Variants in DENND2B observed in about 807,000 individuals in gnomAD.
DENND2B encodes DENN domain containing 2B.
DENND2B carries 32 observed loss-of-function variants against 116.0 expected under a neutral mutation model. The ratio of observed to expected loss-of-function variants is 0.28; its 90% CI spans 0.21 to 0.37. The LOEUF is 0.37. Ranked by LOEUF, DENND2B falls within the 10% of genes least tolerant of loss-of-function variation. The probability of loss-of-function intolerance (pLI) is 1.00; values close to 1 mark genes in which losing one functional copy is unlikely to be tolerated. For missense variants in DENND2B, 1,276 were observed against 1,477.7 expected, an observed-to-expected ratio of 0.86 and a Z score of 2.24; for synonymous variants, 588 against 583.9, an observed-to-expected ratio of 1.01 and a Z score of -0.10.
intron 1 of DENND2B, chr11:8,774,283 A>C: frequency 1.0e-6 from 1 of 985,426 alleles, no homozygotes; most frequent in South Asian, 4.7e-5. Flanking sequence ...GGACACTTTA[A>C]TCCCAAAGCA....
rs905917227 is a variant in DENND2B at position 8,695,378 on chromosome 11, T to C, written c.3379+85A>G. 4.2e-5 allele frequency: 53 copies of C among 1,264,742 alleles called. No individual in the cohort carries two copies. In the African/African-American group the frequency reaches 4.3e-4, roughly 10 times the overall value. 78.3% of individuals were successfully genotyped at this position (1,264,742 alleles called of 1,614,324 possible). On this transcript the variant is annotated intron_variant, in intron 19 of 19. Coordinates refer to ENST00000313726, the MANE Select transcript of DENND2B (RefSeq NM_213618.2). ...AGCCCCAGTATAACACCTGTTGACA[T>C]TGATTTAGAGTATTCGGGAACACAA...
At chr11:8,766,783 G>T in intron 1 of DENND2B, 1 of 841,864 alleles carries the variant, frequency 1.2e-6, no homozygotes, top group Non-Finnish European at 1.7e-6. Flanking sequence ...TGTCATTTTA[G>T]GTGGGGGTGC....
rs1205117758 is a variant in DENND2B, at chr11:8,707,689, G to A, written c.2430+88C>T. On this transcript the variant is annotated intron_variant, in intron 12 of 19. Coordinates refer to ENST00000313726, the MANE Select transcript of DENND2B (RefSeq NM_213618.2). The surrounding 1 kb of genome is among the most constrained non-coding windows in gnomAD (Gnocchi z 4.8). ...GTCTCCCGCTCGCTCACAGTCACAG[G>A]TGGTTTTCTCATCTAAGCTGGCTGC... 3.9e-6 allele frequency: 5 copies of A among 1,292,146 alleles called. No homozygotes were observed. Among genetic ancestry groups the A allele is most frequent in the Non-Finnish European group, 5.4e-6 (5 of 923,010 alleles). The allele number at this position is 1,292,146 out of a possible 1,614,324, so 80.0% of individuals were successfully genotyped here. A position where few individuals can be genotyped will look rare whatever the true frequency, so the allele number is the denominator to read the frequency against.
intron 14 of DENND2B, among the ~76,000 whole-genome samples, chr11:8,700,845 T>A (rs1251568535): frequency 1.3e-5 from 2 of 152,196 alleles, no homozygotes; most frequent in African/African-American, 4.8e-5. Context: ...TTATTTATTT[T>A]GAGACAGAGT....
chr11:8,877,992 CT>C (rs1288183886), intron 2 of DENND2B, among the ~76,000 whole-genome samples: 1 of 152,136 alleles, frequency 6.6e-6, no homozygotes, highest in Non-Finnish European at 1.5e-5. Flanking sequence ...ATTTGCAGAA[CT>C]AGTAGAGATT....
chr11:8,859,272 TTAGA>T (rs571187706), intron 2 of DENND2B, among the ~76,000 whole-genome samples: 1,546 of 152,080 alleles, frequency 0.01, 22 homozygotes, highest in African/African-American at 0.034. Flanking sequence ...TGGCATAGGG[TTAGA>T]TAAACACTAA....
chr11:8,829,449 C>G (rs2062118953), intron 4 of DENND2B, among the ~76,000 whole-genome samples: 1 of 152,108 alleles, frequency 6.6e-6, no homozygotes, highest in Admixed American at 6.5e-5. Context: ...CTCCGGGGAG[C>G]CCCATTCAGT....
intron 2 of DENND2B, among the ~76,000 whole-genome samples, chr11:8,733,479 C>T (rs906289052): frequency 6.6e-6 from 1 of 152,224 alleles, no homozygotes; most frequent in African/African-American, 2.4e-5. Context: ...CAAGAATAAA[C>T]AACACAGACA....
At chr11:8,762,543 G>A (rs2054861245) in intron 1 of DENND2B, among the ~76,000 whole-genome samples, 2 of 152,330 alleles carry the variant, frequency 1.3e-5, no homozygotes, top group Middle Eastern at 6.8e-3. Context: ...TTCAGCCCAA[G>A]AACTCAACTA....
intron 1 of DENND2B, among the ~76,000 whole-genome samples, chr11:8,779,514 CTTTT>C (rs771481403): frequency 3.2e-5 from 1 of 31,442 alleles, no homozygotes; most frequent in Non-Finnish European, 8.8e-5. Context: ...TTCTTTCTTT[CTTTT>C]TTTTTTTTTT....
chr11:8,724,640 C>T (rs1052464854), intron 4 of DENND2B, among the ~76,000 whole-genome samples: 6 of 152,200 alleles, frequency 3.9e-5, no homozygotes. Context: ...TTTGCCAATA[C>T]CATGTCTTCC....
intron 1 of DENND2B, among the ~76,000 whole-genome samples, chr11:8,796,474 GGTTGCA>G (rs781104871): frequency 5.3e-5 from 8 of 152,210 alleles, no homozygotes; most frequent in Non-Finnish European, 8.8e-5. Context: ...GGCAGGCAAC[GGTTGCA>G]GTGAGCCAAG....
Position 8,707,279 on chromosome 11 carries a change from C to A in DENND2B, c.2431-54G>T. ...GAAGGGTGTCAGGGCACTGCCCTTC[C>A]CCCTCCTGGCAGAGAAGAGGGCAGC... On this transcript the variant is annotated intron_variant, in intron 12 of 19. Transcript: ENST00000313726. The surrounding 1 kb of genome is among the most constrained non-coding windows in gnomAD (Gnocchi z 4.8). 6.4e-7 allele frequency: 1 copy of A among 1,567,966 alleles called. No homozygotes were observed. Among genetic ancestry groups the A allele is most frequent in the Non-Finnish European group, 8.7e-7 (1 of 1,153,820 alleles).
intron 1 of DENND2B, among the ~76,000 whole-genome samples, chr11:8,882,614 T>C (rs909338452): frequency 6.6e-6 from 1 of 152,256 alleles, no homozygotes; most frequent in African/African-American, 2.4e-5. Context: ...AATCATAGAA[T>C]GTAACCAGAA....
chr11:8,803,566 A>G (rs1028303145), intron 1 of DENND2B, among the ~76,000 whole-genome samples: 7 of 152,204 alleles, frequency 4.6e-5, no homozygotes, highest in African/African-American at 1.7e-4. Flanking sequence ...TTCTACCGCT[A>G]TATGTAGGCA....
rs979337227 is a variant in DENND2B, at chr11:8,701,905, T to TC, written c.2720+666dup. On this transcript the variant is annotated intron_variant, in intron 14 of 19. Coordinates refer to ENST00000313726, the MANE Select transcript of DENND2B (RefSeq NM_213618.2). ...GTGACCCATCCAGCTCTTTTCTTAC[T>TC]CCTCCTAAACCAGCTCCCCGACTTC... Among the ~76,000 whole-genome samples, 67 of 151,994 alleles carry TC rather than the reference T, an allele frequency of 4.4e-4. 1 individual carries two copies. The highest frequency in any genetic ancestry group is 1.4e-3 in the African/African-American group (60 of 41,410).
intron 1 of DENND2B, among the ~76,000 whole-genome samples, chr11:8,798,209 C>T (rs1426213710): frequency 6.6e-6 from 1 of 152,198 alleles, no homozygotes; most frequent in African/African-American, 2.4e-5. Context: ...ACTTCAATGT[C>T]TTAGTTATCT....
chr11:8,790,316 A>G (rs2059272733), intron 1 of DENND2B, among the ~76,000 whole-genome samples: 2 of 152,192 alleles, frequency 1.3e-5, no homozygotes, highest in Admixed American at 1.3e-4. Flanking sequence ...CATAAACTGC[A>G]ATGCAGTATA....
At chr11:8,703,088 G>T in intron 13 of DENND2B, 1 of 224,086 alleles carries the variant, frequency 4.5e-6, no homozygotes, top group Non-Finnish European at 8.9e-6. Context: ...CACCTCCCCA[G>T]ACAAAGGTCT....
Sources: gnomAD v4.1 joint callset for allele counts (sites outside exome capture counted in the v4.1 genomes callset) on GRCh38, gnomAD v4.1.1 for gene constraint, Gnocchi (gnomAD v3.1) non-coding constraint, MANE v1.5 for transcripts, NCBI Gene and HGNC (gene_info 2026-07-23, HGNC 2026-07-21) for gene names.